TNFRSF11B: variants seen among roughly 807,000 people sequenced by gnomAD.
TNFRSF11B encodes TNF receptor superfamily member 11b.
In TNFRSF11B, 16 loss-of-function variants were observed where a neutral mutation model predicts 43.4. The ratio of observed to expected loss-of-function variants is 0.37; its 90% CI spans 0.25 to 0.56. TNFRSF11B has a LOEUF of 0.56. Ranked by LOEUF, TNFRSF11B falls within the 20% of genes least tolerant of loss-of-function variation. The pLI is 0.80. For synonymous variants in TNFRSF11B, 185 were observed against 181.8 expected, an observed-to-expected ratio of 1.02 and a Z score of -0.14; for missense variants, 444 against 490.1, an observed-to-expected ratio of 0.91 and a Z score of 0.89.
chr8:118,947,732 A>G (rs1288600323), intron 1 of TNFRSF11B, among the ~76,000 whole-genome samples: 1 of 152,236 alleles, frequency 6.6e-6, no homozygotes, highest in Non-Finnish European at 1.5e-5. Context: ...ATAGAAGATT[A>G]TTAAAATTTG....
At chr8:118,926,374 A>G in intron 4 of TNFRSF11B, 120 bp downstream of exon 4, 1 of 981,318 alleles carries the variant, frequency 1.0e-6, no homozygotes, top group Non-Finnish European at 1.6e-6. Context: ...TCAGTCCAAC[A>G]ATGATTCCAA....
chr8:118,942,907 A>G (rs1258809094), intron 1 of TNFRSF11B, among the ~76,000 whole-genome samples: 1 of 152,116 alleles, frequency 6.6e-6, no homozygotes, highest in Non-Finnish European at 1.5e-5. Flanking sequence ...CTGTCTATCT[A>G]TCCATCTACC....
chr8:118,937,698 C>A (rs1812422884), intron 1 of TNFRSF11B, among the ~76,000 whole-genome samples: 1 of 151,836 alleles, frequency 6.6e-6, no homozygotes, highest in Non-Finnish European at 1.5e-5. Flanking sequence ...ACAGAAAAAA[C>A]AACCTACTGC....
chr8:118,931,779 G>T (rs1050098573), intron 2 of TNFRSF11B, among the ~76,000 whole-genome samples: 30 of 152,116 alleles, frequency 2.0e-4, no homozygotes, highest in Admixed American at 2.0e-3. Flanking sequence ...CTAAAGTATT[G>T]GTCGTCTAAT....
chr8:118,930,031 A>G (rs1295427288), intron 2 of TNFRSF11B, among the ~76,000 whole-genome samples: 1 of 152,232 alleles, frequency 6.6e-6, no homozygotes, highest in Non-Finnish European at 1.5e-5. Context: ...CTCTTTCTAC[A>G]TGATTCATTG....
rs757952532 is a variant in TNFRSF11B at position 118,926,521 on chromosome 8, G to C, written c.790C>G (p.Gln264Glu). 1 of 1,613,730 alleles carries C rather than the reference G, an allele frequency of 6.2e-7. No homozygotes were observed. Among genetic ancestry groups the C allele is most frequent in the Non-Finnish European group, 8.5e-7 (1 of 1,179,818 alleles). ...TGGATGATCTTCTTGACTATATCTT[G>C]GTCTTTGTTTTGATGTTTCCATAAC... Reference protein sequence around the residue: ...LKLWKHQNKDQDIVKKIIQDI... With the variant: ...LKLWKHQNKDEDIVKKIIQDI... The change falls in exon 4 of 5, where the codon CAA (glutamine) becomes GAA (glutamate). Residue 264 changes from glutamine (Q) to glutamate (E), a missense_variant. Physicochemically the swap from Gln to Glu is conservative, Grantham distance 29. Transcript: ENST00000297350.
At chr8:118,947,730 T>C (rs902544991) in intron 1 of TNFRSF11B, among the ~76,000 whole-genome samples, 5 of 152,224 alleles carry the variant, frequency 3.3e-5, no homozygotes, top group Non-Finnish European at 7.3e-5. Flanking sequence ...TGATAGAAGA[T>C]TATTAAAATT....
Position 118,926,609 on chromosome 8 carries a change from T to C in TNFRSF11B, c.702A>G (p.Ala234=). The C allele has an allele frequency of 1.2e-6, 2 of 1,614,138 alleles. No individual in the cohort carries two copies. The highest frequency in any genetic ancestry group is 1.7e-6 in the Non-Finnish European group (2 of 1,180,000). Residue 234 remains alanine (A), a synonymous_variant, in exon 4 of 5, where the codon GCA becomes GCG. Coordinates refer to ENST00000297350, the MANE Select transcript of TNFRSF11B (RefSeq NM_002546.4). ...GCCGTTTTATCCTCTCTACACTCTC[T>C]GCGTTTACTTTGGTGCCAGGCAAAT... ...VDNLPGTKVN[A]ESVERIKRQH... is the part of the protein sequence containing the mutation.
At chr8:118,951,571 T>C (rs1563695578) in intron 1 of TNFRSF11B, among the ~76,000 whole-genome samples, 1 of 152,246 alleles carries the variant, frequency 6.6e-6, no homozygotes, top group Non-Finnish European at 1.5e-5. Flanking sequence ...TCTCTCTTGC[T>C]GTCTTCCATA....
At chr8:118,950,214 G>T (rs1392201186) in intron 1 of TNFRSF11B, among the ~76,000 whole-genome samples, 1 of 152,072 alleles carries the variant, frequency 6.6e-6, no homozygotes, top group Admixed American at 6.6e-5. Context: ...AAAATAAAAA[G>T]GGCTAGGAAG....
chr8:118,947,594 G>C (rs1812583940), intron 1 of TNFRSF11B, among the ~76,000 whole-genome samples: 1 of 152,080 alleles, frequency 6.6e-6, no homozygotes, highest in African/African-American at 2.4e-5. Context: ...ACTGATATAA[G>C]AAATCTAAGT....
In TNFRSF11B at chr8:118,951,828, C is replaced by T. The variant is rs768721145; in HGVS notation, c.-7G>A. 1 of 1,588,058 alleles carries T rather than the reference C, an allele frequency of 6.3e-7. No individual in the cohort carries two copies. The highest frequency in any genetic ancestry group is 8.6e-7 in the Non-Finnish European group (1 of 1,167,130). Reference sequence around the variant, plus strand: ...AGCACAGCAAGTTGTTCATTGTGGTCCCCGGAAACCTCAGGGGCTTGGAGG... The same window carrying T: ...AGCACAGCAAGTTGTTCATTGTGGTTCCCGGAAACCTCAGGGGCTTGGAGG... On this transcript the variant is annotated 5_prime_UTR_variant, in exon 1 of 5. Coordinates refer to ENST00000297350, the MANE Select transcript of TNFRSF11B (RefSeq NM_002546.4).
intron 2 of TNFRSF11B, among the ~76,000 whole-genome samples, chr8:118,932,695 G>A (rs938864868): frequency 1.3e-5 from 2 of 150,608 alleles, no homozygotes; most frequent in African/African-American, 4.9e-5. Context: ...CATCTCATGA[G>A]AGAATAATTT....
intron 1 of TNFRSF11B, among the ~76,000 whole-genome samples, chr8:118,943,549 C>G: frequency 6.6e-6 from 1 of 152,076 alleles, no homozygotes; most frequent in South Asian, 2.1e-4. Flanking sequence ...AAAAATTTCT[C>G]AGCTGGGTAA....
chr8:118,948,671 C>T (rs570098022), intron 1 of TNFRSF11B, among the ~76,000 whole-genome samples: 26 of 152,090 alleles, frequency 1.7e-4, no homozygotes, highest in Admixed American at 1.6e-3. Flanking sequence ...TGACCCGGGC[C>T]AGGAACGTTG....
intron 3 of TNFRSF11B, among the ~76,000 whole-genome samples, chr8:118,927,951 G>A (rs1033116502): frequency 1.9e-4 from 29 of 151,984 alleles, no homozygotes; most frequent in African/African-American, 5.3e-4. Context: ...AGAGTAGCTT[G>A]GAAGTTCCAT....
Position 118,939,417 on chromosome 8 carries a change from G to A in TNFRSF11B, c.31-6117C>T, listed in dbSNP as rs147320395. ...CACAGATCACTGCAAAACAATTGGA[G>A]GCATAAAAGGGGAGAAAGAGCAAGA... is the stretch of plus-strand genomic sequence containing the variant. On this transcript the variant is annotated intron_variant, in intron 1 of 4. Coordinates refer to ENST00000297350, the MANE Select transcript of TNFRSF11B (RefSeq NM_002546.4). 1.4e-4 allele frequency among the ~76,000 whole-genome samples: 22 copies of A among 152,224 alleles called. No homozygotes were observed. The East Asian group carries it at 4.1e-3, about 28-fold the overall frequency.
chr8:118,938,237 T>A (rs149378854), intron 1 of TNFRSF11B, among the ~76,000 whole-genome samples: 72 of 152,310 alleles, frequency 4.7e-4, no homozygotes, highest in African/African-American at 1.6e-3. Context: ...TGCTTCAGCC[T>A]TCCAAAGTGC....
chr8:118,936,697 C>T (rs1348599440), intron 1 of TNFRSF11B, among the ~76,000 whole-genome samples: 1 of 152,022 alleles, frequency 6.6e-6, no homozygotes, highest in Non-Finnish European at 1.5e-5. Context: ...AGCTGGGACA[C>T]ATGCATCGGT....
Sources: gnomAD v4.1 joint callset for allele counts (sites outside exome capture counted in the v4.1 genomes callset) on GRCh38, gnomAD v4.1.1 for gene constraint, MANE v1.5 for transcripts, NCBI Gene and HGNC (gene_info 2026-07-23, HGNC 2026-07-21) for gene names.